Variants in SFXN4 observed in about 807,000 individuals in gnomAD.
SFXN4 encodes sideroflexin 4, also known as sideroflexin-4.
Under a neutral mutation model 54.6 loss-of-function variants are expected in SFXN4, and 48 were observed. That is an observed-to-expected ratio of 0.88 (90% CI 0.70 to 1.12). The LOEUF is 1.12. Among genes scored for constraint, SFXN4 ranks in the 50% most tolerant of loss-of-function variants. SFXN4 has a pLI of 0.00. For synonymous variants in SFXN4, 130 were observed against 145.5 expected, an observed-to-expected ratio of 0.89 and a Z score of 0.77; for missense variants, 383 against 409.2, an observed-to-expected ratio of 0.94 and a Z score of 0.55.
In SFXN4 at chr10:119,147,634, G is replaced by A. The variant is rs371039961; in HGVS notation, c.818+141C>T. On this transcript the variant is annotated intron_variant, in intron 12 of 13. Transcript: ENST00000355697. ...TTTCCACGCCTGCCACAATCAATCC[G>A]CCTGTCTTAGCTGTGATGTGTGTTT... 138 of 653,732 alleles carry A rather than the reference G, an allele frequency of 2.1e-4. No homozygotes were observed. The highest frequency in any genetic ancestry group is 1.3e-3 in the Admixed American group (51 of 40,346). 40.5% of individuals were successfully genotyped at this position (653,732 alleles called of 1,614,324 possible).
chr10:119,159,698 TCTC>T (rs748224376), intron 6 of SFXN4, 27 bp downstream of exon 6: 1 of 1,612,664 alleles, frequency 6.2e-7, no homozygotes, highest in Non-Finnish European at 8.5e-7. Flanking sequence ...AAGCCCCTAG[TCTC>T]CTAACGGCAA....
intron 2 of SFXN4, 116 bp from the exon 3 acceptor site, chr10:119,162,530 G>T: frequency 1.3e-6 from 1 of 780,662 alleles, no homozygotes; most frequent in Non-Finnish European, 2.2e-6. Flanking sequence ...CTGCATGCCT[G>T]ATTTCAAGCC....
chr10:119,151,901 A>G lies in SFXN4; in HGVS notation c.732+3161T>C, dbSNP rs187826529. On this transcript the variant is annotated intron_variant, in intron 11 of 13. Transcript: ENST00000355697. The stretch of plus-strand genomic sequence containing the variant: ...GTGATAATAGCTCGCTGCAGCCTCA[A>G]CCTCCTAGGCTCAGTTGATCCTCTC... Among the ~76,000 whole-genome samples the G allele has an allele frequency of 1.6e-3, 237 of 151,910 alleles. 2 individuals are homozygous for G. The highest frequency in any genetic ancestry group is 5.6e-3 in the African/African-American group (232 of 41,400).
chr10:119,160,800 A>C, intron 5 of SFXN4, 115 bp downstream of exon 5: 1 of 1,034,396 alleles, frequency 9.7e-7, no homozygotes, highest in Non-Finnish European at 1.5e-6. Context: ...GGGTTTCACC[A>C]TGTTGGCCAG....
In SFXN4 at chr10:119,155,314, C is replaced by T; in HGVS notation, c.617-137G>A. 3 of 632,876 alleles carry T rather than the reference C, an allele frequency of 4.7e-6. No individual in the cohort carries two copies. In the Admixed American group the frequency reaches 7.2e-5, roughly 15 times the overall value. 39.2% of individuals were successfully genotyped at this position (632,876 alleles called of 1,614,324 possible). A position where few individuals can be genotyped will look rare whatever the true frequency, so the allele number is the denominator to read the frequency against. On this transcript the variant is annotated intron_variant, in intron 10 of 13. Transcript: ENST00000355697. ...CCTTTCTTGACCCTCAGGTGGACACCTGCCATAGGCTGGGCCAACCAAGTG... is the reference window on the plus strand; with the variant it reads ...CCTTTCTTGACCCTCAGGTGGACACTTGCCATAGGCTGGGCCAACCAAGTG...
At chr10:119,151,010 C>CA (rs1161705863) in intron 11 of SFXN4, among the ~76,000 whole-genome samples, 1 of 152,082 alleles carries the variant, frequency 6.6e-6, no homozygotes, top group Non-Finnish European at 1.5e-5. Context: ...AAGCAAGACA[C>CA]AAAAAACTAC....
In SFXN4 at chr10:119,159,764, G is replaced by A; in HGVS notation, c.335-11C>T. 1 of 1,613,580 alleles carries A rather than the reference G, an allele frequency of 6.2e-7. No homozygotes were observed. Among genetic ancestry groups the A allele is most frequent in the Non-Finnish European group, 8.5e-7 (1 of 1,179,598 alleles). The stretch of plus-strand genomic sequence containing the variant: ...TGAAAGGCAGGAACGCTGGCAGGAA[G>A]AGAAGAGAGGAGGTGTCAGTGATCA... On this transcript the variant is annotated splice_polypyrimidine_tract_variant and intron_variant, in intron 5 of 13. Transcript: ENST00000355697.
chr10:119,152,044 C>CATGG (rs1847090412), intron 11 of SFXN4, among the ~76,000 whole-genome samples: 1 of 151,464 alleles, frequency 6.6e-6, no homozygotes, highest in Non-Finnish European at 1.5e-5. Flanking sequence ...GTCTCGCACT[C>CATGG]ATGGACTCAA....
At chr10:119,146,857 C>T (rs1158593638) in intron 12 of SFXN4, among the ~76,000 whole-genome samples, 2 of 152,144 alleles carry the variant, frequency 1.3e-5, no homozygotes, top group African/African-American at 2.4e-5. Context: ...CGTGAGCCAC[C>T]GCACCATCCC....
intron 11 of SFXN4, among the ~76,000 whole-genome samples, chr10:119,149,841 T>C (rs1483026767): frequency 2.0e-5 from 3 of 152,262 alleles, no homozygotes; most frequent in Non-Finnish European, 4.4e-5. Context: ...GTGTGCTGTG[T>C]GTCCACATCA....
intron 13 of SFXN4, among the ~76,000 whole-genome samples, chr10:119,142,726 ATTTTT>A (rs573311460): frequency 1.5e-4 from 12 of 77,446 alleles, no homozygotes; most frequent in African/African-American, 5.7e-4. Context: ...AATGTTTTGA[ATTTTT>A]TTTTTTTTTT....
chr10:119,165,264 C>T (rs1383434991), intron 1 of SFXN4: 11 of 1,175,004 alleles, frequency 9.4e-6, no homozygotes, highest in Non-Finnish European at 1.1e-5. Context: ...CAGTAGGGAG[C>T]AGCCACCTGC....
chr10:119,143,804 C>T (rs1846662767), intron 13 of SFXN4, among the ~76,000 whole-genome samples: 2 of 152,172 alleles, frequency 1.3e-5, no homozygotes, highest in African/African-American at 2.4e-5. Context: ...TATGTAGAGA[C>T]GAGGTCTCAC....
At chr10:119,154,969 G>A in intron 11 of SFXN4, 93 bp downstream of exon 11, 2 of 830,652 alleles carry the variant, frequency 2.4e-6, no homozygotes, top group East Asian at 2.5e-5. Context: ...AAGAAAGGTT[G>A]AAGGCAGACA....
At chr10:119,142,999 TG>T (rs1168635647) in intron 13 of SFXN4, among the ~76,000 whole-genome samples, 1 of 152,198 alleles carries the variant, frequency 6.6e-6, no homozygotes, top group Non-Finnish European at 1.5e-5. Flanking sequence ...CCCAAAGTGC[TG>T]GGATTACAGG....
Position 119,164,171 on chromosome 10 carries a change from C to A in SFXN4, c.137G>T (p.Trp46Leu). The stretch of plus-strand genomic sequence containing the variant: ...ATTTGTAGGATCTAATAATTCTGTC[C>A]ATTGAAGAAATCGTCGAATAAAGGA... Reference protein sequence around the residue: ...RQSFIRRFLQWTELLDPTNVF... With the variant: ...RQSFIRRFLQLTELLDPTNVF... Residue 46 changes from tryptophan to leucine, a missense_variant, in exon 2 of 14, where the codon TGG (tryptophan) becomes TTG (leucine). Coordinates refer to ENST00000355697, the MANE Select transcript of SFXN4 (RefSeq NM_213649.2). 1 of 1,594,588 alleles carries A rather than the reference C, an allele frequency of 6.3e-7. No homozygotes were observed. Among genetic ancestry groups the A allele is most frequent in the Non-Finnish European group, 8.6e-7 (1 of 1,169,586 alleles).
intron 11 of SFXN4, among the ~76,000 whole-genome samples, chr10:119,150,655 G>A (rs918078666): frequency 1.3e-5 from 2 of 151,770 alleles, no homozygotes; most frequent in African/African-American, 4.8e-5. Context: ...GGCAACAGAG[G>A]GAGACTCTGT....
At chr10:119,147,379 C>T (rs1039098722) in intron 12 of SFXN4, among the ~76,000 whole-genome samples, 27 of 152,298 alleles carry the variant, frequency 1.8e-4, no homozygotes, top group Admixed American at 1.4e-3. Flanking sequence ...GATCTGAATT[C>T]GGAGTCGCTG....
At chr10:119,144,758 C>T (rs1846716930) in intron 13 of SFXN4, among the ~76,000 whole-genome samples, 1 of 152,086 alleles carries the variant, frequency 6.6e-6, no homozygotes, top group South Asian at 2.1e-4. Context: ...TGTCCAATAG[C>T]CACTAAGCAC....
Sources: allele counts gnomAD v4.1 joint callset (sites outside exome capture counted in the v4.1 genomes callset), GRCh38; gene constraint gnomAD v4.1.1; transcripts MANE v1.5; gene names NCBI Gene and HGNC (gene_info 2026-07-23, HGNC 2026-07-21).